The following ANGPT1 variants were observed in gnomAD, a reference collection of about 807,000 sequenced individuals.
ANGPT1 encodes angiopoietin 1.
ANGPT1 carries 17 observed loss-of-function variants against 62.2 expected under a neutral mutation model. The observed-to-expected ratio is 0.27, with a 90% CI of 0.19 to 0.41. ANGPT1 has a LOEUF of 0.41. Ranked by LOEUF, ANGPT1 falls within the 10% of genes least tolerant of loss-of-function variation. ANGPT1 has a pLI of 1.00. For synonymous variants in ANGPT1, 199 were observed against 198.9 expected (o/e 1.00, Z 0.00); for missense variants, 478 against 594.9 (o/e 0.80, Z 2.04).
intron 1 of ANGPT1, among the ~76,000 whole-genome samples, chr8:107,484,288 T>A (rs565420260): frequency 6.6e-6 from 1 of 152,216 alleles, no homozygotes; most frequent in Non-Finnish European, 1.5e-5. Flanking sequence ...GCCCTCAGTT[T>A]CCTTATCTGT....
At chr8:107,284,602 C>A in intron 7 of ANGPT1, 80 bp downstream of exon 7, 1 of 1,225,292 alleles carries the variant, frequency 8.2e-7, no homozygotes, top group Non-Finnish European at 1.1e-6. Flanking sequence ...ATTTTCATTT[C>A]TTTTTTTCAT....
chr8:107,415,175 G>C (rs1810705524), intron 1 of ANGPT1, among the ~76,000 whole-genome samples: 1 of 152,094 alleles, frequency 6.6e-6, no homozygotes, highest in African/African-American at 2.4e-5. Flanking sequence ...AGTGATTCTG[G>C]TCACCATGAT....
chr8:107,487,822 T>C (rs1812853462), intron 1 of ANGPT1, among the ~76,000 whole-genome samples: 2 of 152,248 alleles, frequency 1.3e-5, no homozygotes, highest in African/African-American at 4.8e-5. Flanking sequence ...GTATTAGAAG[T>C]AAAAAAACAA....
intron 1 of ANGPT1, among the ~76,000 whole-genome samples, chr8:107,456,252 C>T (rs1001534733): frequency 8.5e-5 from 13 of 152,156 alleles, no homozygotes; most frequent in African/African-American, 3.1e-4. Context: ...CGAACTTGGA[C>T]ATCTTGAGCA....
chr8:107,494,409 A>G (rs1462430465), intron 1 of ANGPT1, among the ~76,000 whole-genome samples: 1 of 152,202 alleles, frequency 6.6e-6, no homozygotes, highest in East Asian at 1.9e-4. Context: ...GGTATTTACT[A>G]TGACTTGCTA....
chr8:107,377,211 T>C (rs1816546910), intron 1 of ANGPT1, among the ~76,000 whole-genome samples: 1 of 152,230 alleles, frequency 6.6e-6, no homozygotes, highest in Admixed American at 6.5e-5. Flanking sequence ...ATTCTAAGTA[T>C]ACATCAACAT....
intron 8 of ANGPT1, among the ~76,000 whole-genome samples, chr8:107,262,466 A>G (rs1029142483): frequency 6.6e-6 from 1 of 152,206 alleles, no homozygotes; most frequent in Admixed American, 6.5e-5. Context: ...GCTAGCTGTC[A>G]TTCATTTTCC....
rs1465322346 is a variant in ANGPT1, at chr8:107,311,118, T to A, written c.809-7751A>T. ...TGTGTGTGTGTGTCTGTGTTCATCT[T>A]CTAGTATCAGGCATGGAGACAAGGA... is the stretch of plus-strand genomic sequence containing the variant. On this transcript the variant is annotated intron_variant, in intron 4 of 8. Transcript: ENST00000517746. Among the ~76,000 whole-genome samples, 6 of 151,880 alleles carry A rather than the reference T, an allele frequency of 4.0e-5. No individual in the cohort carries two copies. The East Asian group carries it at 9.7e-4, about 24-fold the overall frequency.
intron 1 of ANGPT1, among the ~76,000 whole-genome samples, chr8:107,367,306 C>T (rs1816295917): frequency 2.0e-5 from 3 of 152,106 alleles, no homozygotes; most frequent in African/African-American, 7.2e-5. Context: ...AAACAAGGTA[C>T]ATATTTAATT....
intron 2 of ANGPT1, among the ~76,000 whole-genome samples, chr8:107,344,009 C>A (rs1289306520): frequency 6.6e-6 from 1 of 152,068 alleles, no homozygotes; most frequent in African/African-American, 2.4e-5. Flanking sequence ...CTGCAGTGAG[C>A]CCTGATCAGC....
At chr8:107,468,653 C>T (rs970868573) in intron 1 of ANGPT1, among the ~76,000 whole-genome samples, 3 of 151,980 alleles carry the variant, frequency 2.0e-5, no homozygotes, top group Non-Finnish European at 4.4e-5. Context: ...CATACCACAA[C>T]TGAAAGAAAA....
At chr8:107,456,331 A>G (rs1231170460) in intron 1 of ANGPT1, among the ~76,000 whole-genome samples, 1 of 152,064 alleles carries the variant, frequency 6.6e-6, no homozygotes. Context: ...CTTTAAAAAG[A>G]AACTCCAAGC....
chr8:107,349,833 G>A (rs1266184709), intron 1 of ANGPT1, among the ~76,000 whole-genome samples: 2 of 152,074 alleles, frequency 1.3e-5, no homozygotes, highest in African/African-American at 4.8e-5. Context: ...TACATGGGGA[G>A]AATTTTAAAA....
At chr8:107,396,517 C>CTTTTTTTTTTTTTTTTTTTTTTTTTTT (rs10686360) in intron 1 of ANGPT1, among the ~76,000 whole-genome samples, 1 of 84,828 alleles carries the variant, frequency 1.2e-5, no homozygotes, top group Non-Finnish European at 2.1e-5. Context: ...TCTTTTCTCT[C>CTTTTTTTTTTTTTTTTTTTTTTTTTTT]TTTTTTTTTT....
At chr8:107,472,307 C>T (rs568077219) in intron 1 of ANGPT1, among the ~76,000 whole-genome samples, 1 of 152,004 alleles carries the variant, frequency 6.6e-6, no homozygotes, top group South Asian at 2.1e-4. Flanking sequence ...TTTCTGTCTT[C>T]CATTACAGTG....
chr8:107,269,637 C>T (rs985173646), intron 7 of ANGPT1, among the ~76,000 whole-genome samples: 7 of 151,550 alleles, frequency 4.6e-5, no homozygotes, highest in East Asian at 3.9e-4. Flanking sequence ...GTATGAAAGA[C>T]GATATGTTAG....
intron 3 of ANGPT1, among the ~76,000 whole-genome samples, chr8:107,335,128 G>C (rs1344829128): frequency 6.6e-6 from 1 of 152,204 alleles, no homozygotes; most frequent in East Asian, 1.9e-4. Context: ...GAAAGATCCT[G>C]ACACCTAAAT....
At chr8:107,464,077 A>G (rs1812140801) in intron 1 of ANGPT1, among the ~76,000 whole-genome samples, 1 of 152,166 alleles carries the variant, frequency 6.6e-6, no homozygotes, top group Non-Finnish European at 1.5e-5. Context: ...AAGAACATAA[A>G]TTCTGAAACC....
At chr8:107,477,021 T>G (rs1204348194) in intron 1 of ANGPT1, among the ~76,000 whole-genome samples, 1 of 152,142 alleles carries the variant, frequency 6.6e-6, no homozygotes, top group Non-Finnish European at 1.5e-5. Context: ...CTTCCAATTA[T>G]CCACCCTTGC....
Sources: gnomAD v4.1 joint callset for allele counts (sites outside exome capture counted in the v4.1 genomes callset) on GRCh38, gnomAD v4.1.1 for gene constraint, MANE v1.5 for transcripts, NCBI Gene and HGNC (gene_info 2026-07-23, HGNC 2026-07-21) for gene names.